WDHD1: variants seen among roughly 807,000 people sequenced by gnomAD.
The protein encoded by WDHD1 is WD repeat and HMG-box DNA binding protein 1, also known as WD repeat and HMG-box DNA-binding protein 1.
WDHD1 carries 111 observed loss-of-function variants against 135.4 expected under a neutral mutation model. The ratio of observed to expected loss-of-function variants is 0.82; its 90% CI spans 0.70 to 0.96. The LOEUF (loss-of-function observed/expected upper bound fraction) is 0.96. WDHD1 is among the 40% of genes least tolerant of loss of function. The pLI is 0.00. For missense variants in WDHD1, 1,351 were observed against 1,336.3 expected, an observed-to-expected ratio of 1.01 and a Z score of -0.17; for synonymous variants, 434 against 439.0, an observed-to-expected ratio of 0.99 and a Z score of 0.14.
chr14:55,017,255 A>G (rs915176594), intron 2 of WDHD1, among the ~76,000 whole-genome samples: 2 of 152,238 alleles, frequency 1.3e-5, no homozygotes, highest in Non-Finnish European at 2.9e-5. Flanking sequence ...TAGTCTAAAC[A>G]TTCTTCTAAA....
intron 16 of WDHD1, among the ~76,000 whole-genome samples, chr14:54,967,880 C>T (rs1295409543): frequency 6.6e-6 from 1 of 152,184 alleles, no homozygotes; most frequent in Non-Finnish European, 1.5e-5. Context: ...CTTTGCCTCC[C>T]AAAGTGTTGG....
intron 15 of WDHD1, among the ~76,000 whole-genome samples, chr14:54,984,208 C>G (rs1392546466): frequency 2.0e-5 from 3 of 152,134 alleles, no homozygotes; most frequent in Admixed American, 2.0e-4. Context: ...ATGAAGAGAG[C>G]TCTTAGCCGG....
At chr14:55,017,210 C>A (rs577061696) in intron 2 of WDHD1, among the ~76,000 whole-genome samples, 1 of 152,144 alleles carries the variant, frequency 6.6e-6, no homozygotes, top group African/African-American at 2.4e-5. Flanking sequence ...CAGGAAATAG[C>A]GTTCAGCAGT....
intron 2 of WDHD1, among the ~76,000 whole-genome samples, chr14:55,016,644 T>C (rs1350263906): frequency 6.6e-6 from 1 of 152,230 alleles, no homozygotes. Context: ...AAATGGTCTA[T>C]ACCTGGTACT....
intron 22 of WDHD1, 60 bp from the exon 23 acceptor site, chr14:54,957,264 G>T: frequency 6.6e-7 from 1 of 1,516,076 alleles, no homozygotes; most frequent in Non-Finnish European, 8.8e-7. Context: ...AATCCCAAGA[G>T]ACTTATTTTT....
intron 15 of WDHD1, among the ~76,000 whole-genome samples, chr14:54,984,187 T>C (rs1312776823): frequency 1.3e-5 from 2 of 152,232 alleles, no homozygotes; most frequent in Non-Finnish European, 2.9e-5. Context: ...AGTTTTCTAA[T>C]GAGAATTCTC....
intron 21 of WDHD1, among the ~76,000 whole-genome samples, chr14:54,959,812 CAAAA>C (rs1407027663): frequency 6.6e-6 from 1 of 151,788 alleles, no homozygotes; most frequent in Non-Finnish European, 1.5e-5. Context: ...AAAAAACAAA[CAAAA>C]AAACCTTTCC....
intron 12 of WDHD1, 52 bp from the exon 13 acceptor site, chr14:54,989,264 A>G (rs1184872304): frequency 7.3e-7 from 1 of 1,376,464 alleles, no homozygotes; most frequent in Non-Finnish European, 1.0e-6. Context: ...AAGCTCCTAG[A>G]ATCAGTAAGC....
At chr14:54,994,433 AG>A (rs2041843840) in intron 11 of WDHD1, among the ~76,000 whole-genome samples, 1 of 152,200 alleles carries the variant, frequency 6.6e-6, no homozygotes, top group African/African-American at 2.4e-5. Context: ...TAAAGTTTAA[AG>A]AGTAAAAAGA....
intron 18 of WDHD1, among the ~76,000 whole-genome samples, chr14:54,966,116 CAGG>C (rs960173209): frequency 2.2e-5 from 3 of 137,568 alleles, no homozygotes; most frequent in Non-Finnish European, 4.6e-5. Context: ...ATCACGAGGT[CAGG>C]AGTTCGAGAC....
chr14:55,015,319 A>T (rs1251909483), intron 2 of WDHD1, among the ~76,000 whole-genome samples: 1 of 141,294 alleles, frequency 7.1e-6, no homozygotes, highest in Non-Finnish European at 1.5e-5. Flanking sequence ...CCCAGGAAGC[A>T]GAGGATGCAG....
chr14:55,025,981 T>C (rs1196283008), intron 2 of WDHD1, among the ~76,000 whole-genome samples: 1 of 152,256 alleles, frequency 6.6e-6, no homozygotes, highest in East Asian at 1.9e-4. Flanking sequence ...GAGCTTCTCC[T>C]CATACATGTT....
intron 24 of WDHD1, among the ~76,000 whole-genome samples, chr14:54,949,895 G>A (rs1426657542): frequency 6.6e-6 from 1 of 152,146 alleles, no homozygotes; most frequent in African/African-American, 2.4e-5. Flanking sequence ...GCCAAACTAA[G>A]CTTCATAAGT....
At chr14:54,975,021 C>A (rs1387058362) in intron 16 of WDHD1, among the ~76,000 whole-genome samples, 1 of 152,156 alleles carries the variant, frequency 6.6e-6, no homozygotes, top group Admixed American at 6.6e-5. Flanking sequence ...CTCTTCCAGG[C>A]CACAGCCTCA....
At chr14:54,945,024 T>C (rs1424543792) in intron 24 of WDHD1, among the ~76,000 whole-genome samples, 1 of 152,174 alleles carries the variant, frequency 6.6e-6, no homozygotes, top group African/African-American at 2.4e-5. Context: ...AACCATGAAC[T>C]CTGTACTTTC....
At chr14:54,976,736 A>C (rs1566722050) in intron 16 of WDHD1, among the ~76,000 whole-genome samples, 1 of 152,120 alleles carries the variant, frequency 6.6e-6, no homozygotes, top group Non-Finnish European at 1.5e-5. Flanking sequence ...TATATACCAA[A>C]AAATAAATAA....
chr14:54,960,190 TG>T (rs2140164694), intron 21 of WDHD1, among the ~76,000 whole-genome samples: 1 of 152,250 alleles, frequency 6.6e-6, no homozygotes, highest in East Asian at 1.9e-4. Context: ...TTATTTGAGA[TG>T]GAGTCTCGCT....
chr14:54,976,845 T>G (rs1210514968), intron 16 of WDHD1, among the ~76,000 whole-genome samples: 1 of 152,062 alleles, frequency 6.6e-6, no homozygotes, highest in Non-Finnish European at 1.5e-5. Flanking sequence ...CAGGAAAATA[T>G]GAAAATATGA....
intron 15 of WDHD1, among the ~76,000 whole-genome samples, chr14:54,983,400 C>T (rs961691469): frequency 1.3e-5 from 2 of 151,778 alleles, no homozygotes; most frequent in Non-Finnish European, 2.9e-5. Context: ...AGGCTGGGGG[C>T]GGTGGCTCAC....
Sources: allele counts gnomAD v4.1 joint callset (sites outside exome capture counted in the v4.1 genomes callset), GRCh38; gene constraint gnomAD v4.1.1; transcripts MANE v1.5; gene names NCBI Gene and HGNC (gene_info 2026-07-23, HGNC 2026-07-21).